REG3G: variants seen among roughly 807,000 people sequenced by gnomAD.
The protein encoded by REG3G is regenerating islet-derived protein 3-gamma.
Under a neutral mutation model 20.9 loss-of-function variants are expected in REG3G, and 19 were observed. That is an observed-to-expected ratio of 0.91 (90% CI 0.64 to 1.34). The LOEUF (loss-of-function observed/expected upper bound fraction) is 1.34, where lower values mean the gene tolerates loss of function less well. Ranked by LOEUF, REG3G falls within the 40% of genes most tolerant of loss-of-function variation. The pLI is 0.00. For synonymous variants in REG3G, 89 were observed against 77.4 expected, an observed-to-expected ratio of 1.15 and a Z score of -0.79; for missense variants, 235 against 205.0, an observed-to-expected ratio of 1.15 and a Z score of -0.89.
intron 4 of REG3G, chr2:79,027,377 G>A (rs960660944): frequency 1.1e-5 from 6 of 549,220 alleles, no homozygotes; most frequent in Admixed American, 3.4e-5. Flanking sequence ...AAAATTAGTC[G>A]GACTCTTGTA....
intron 2 of REG3G, 91 bp downstream of exon 2, chr2:79,026,260 G>T (rs1671617405): frequency 1.6e-6 from 2 of 1,287,360 alleles, no homozygotes; most frequent in Admixed American, 1.7e-5. Flanking sequence ...GTGAGGTAAT[G>T]ACGTGGTGTC....
Position 79,028,341 on chromosome 2 carries a change from A to AGTCTTC in REG3G, c.*65_*66insGTCTTC. On this transcript the variant is annotated 3_prime_UTR_variant, in exon 6 of 6. Coordinates refer to ENST00000272324, the MANE Select transcript of REG3G (RefSeq NM_001008387.3). ...TCATCATGGACATGAGACCAGTGTG[A>AGTCTTC]AGACTCACCCTGGAAGAGAATATTC... The AGTCTTC allele has an allele frequency of 1.9e-6, 2 of 1,056,576 alleles. No individual in the cohort carries two copies. Among genetic ancestry groups the AGTCTTC allele is most frequent in the Non-Finnish European group, 3.0e-6 (2 of 671,958 alleles). 65.5% of individuals were successfully genotyped at this position (1,056,576 alleles called of 1,614,324 possible).
intron 5 of REG3G, 79 bp from the exon 6 acceptor site, chr2:79,028,130 T>A: frequency 7.6e-7 from 1 of 1,311,378 alleles, no homozygotes; most frequent in African/African-American, 1.4e-5. Context: ...CTTTAAATCC[T>A]AGGCTAAAAC....
At chr2:79,028,122 TTAAATCCTAGGC>T in intron 5 of REG3G, 75 bp from the exon 6 acceptor site, 1 of 1,313,484 alleles carries the variant, frequency 7.6e-7, no homozygotes, top group Non-Finnish European at 1.1e-6. Flanking sequence ...GAGAGAAGCT[TTAAATCCTAGGC>T]TAAAACCTGG....
chr2:79,028,389 T>C lies in REG3G; in HGVS notation c.*113T>C, dbSNP rs1417760852. On this transcript the variant is annotated 3_prime_UTR_variant, in exon 6 of 6. Coordinates refer to ENST00000272324, the MANE Select transcript of REG3G (RefSeq NM_001008387.3). ...TTCTCCCCAAACTGCCCTACCTGACTACCTTGTCATGATCCTCCTTCTTTT... is the reference window on the plus strand; with the variant it reads ...TTCTCCCCAAACTGCCCTACCTGACCACCTTGTCATGATCCTCCTTCTTTT... The C allele has an allele frequency of 1.5e-6, 1 of 688,258 alleles. No individual in the cohort carries two copies. 42.6% of individuals were successfully genotyped at this position (688,258 alleles called of 1,614,324 possible).
At chr2:79,028,047 C>T (rs574887735) in intron 5 of REG3G, 114 bp downstream of exon 5, 116 of 1,376,914 alleles carry the variant, frequency 8.4e-5, no homozygotes, top group South Asian at 1.8e-4. Context: ...TGCCTTCTCC[C>T]GTCTCCTCTC....
chr2:79,026,733 C>G lies in REG3G; in HGVS notation c.97C>G (p.Leu33Val). 2 of 1,613,846 alleles carry G rather than the reference C, an allele frequency of 1.2e-6. No individual in the cohort carries two copies. Among genetic ancestry groups the G allele is most frequent in the Non-Finnish European group, 1.7e-6 (2 of 1,179,870 alleles). ...CCCAGGTGAAGAAACCCAGAAGGAACTGCCCTCTCCACGGATCAGCTGTCC... is the reference window on the plus strand; with the variant it reads ...CCCAGGTGAAGAAACCCAGAAGGAAGTGCCCTCTCCACGGATCAGCTGTCC... Reference protein sequence around the residue: ...QVQGEETQKELPSPRISCPKG... With the variant: ...QVQGEETQKEVPSPRISCPKG... Residue 33 changes from leucine to valine, a missense_variant, in exon 3 of 6, where the codon CTG (leucine) becomes GTG (valine). Leu to Val is a conservative substitution (Grantham distance 32, BLOSUM62 1). Transcript: ENST00000272324.
In REG3G at chr2:79,028,254, A is replaced by G. The variant is rs762484539; in HGVS notation, c.506A>G (p.Tyr169Cys). ...TATAACTGTGATGCAAAGTTACCCTATGTCTGCAAGTTCAAGGACTAGGGC... is the reference window on the plus strand; with the variant it reads ...TATAACTGTGATGCAAAGTTACCCTGTGTCTGCAAGTTCAAGGACTAGGGC... ...KDYNCDAKLP[Y>C]VCKFKD Residue 169 changes from tyrosine to cysteine, a missense_variant, in exon 6 of 6, where the codon TAT (tyrosine) becomes TGT (cysteine). By Grantham distance (194) the Tyr-to-Cys change is radical. Transcript: ENST00000272324. The G allele has an allele frequency of 2.1e-5, 34 of 1,612,750 alleles. No homozygotes were observed. The highest frequency in any genetic ancestry group is 6.7e-5 in the African/African-American group (5 of 74,832).
intron 2 of REG3G, chr2:79,026,408 G>A (rs1671620927): frequency 3.3e-6 from 2 of 599,618 alleles, no homozygotes; most frequent in Non-Finnish European, 5.9e-6. Context: ...ACACTGGTGG[G>A]AAAGTGTGGA....
Position 79,027,808 on chromosome 2 carries a change from G to T in REG3G, c.335G>T (p.Gly112Val). 1 of 1,613,978 alleles carries T rather than the reference G, an allele frequency of 6.2e-7. No individual in the cohort carries two copies. Among genetic ancestry groups the T allele is most frequent in the South Asian group, 1.1e-5 (1 of 91,072 alleles). Residue 112 changes from glycine (G) to valine (V), a missense_variant and splice_region_variant, in exon 5 of 6, where the codon GGC becomes GTC. Coordinates refer to ENST00000272324, the MANE Select transcript of REG3G (RefSeq NM_001008387.3). ...IWIGLHDPTQ[G>V]SEPDGDGWEW... ...CTGGCTGCCTCCTCTTCTCTATAGG[G>T]CTCTGAGCCTGATGGAGATGGATGG...
Position 79,026,193 on chromosome 2 carries a change from C to T in REG3G, c.76+24C>T, listed in dbSNP as rs754981955. ...AGGTGAGATTTCTCTGCCTCTAGCA[C>T]TGGGTTCCCTATGAATCCTCAGAGC... is the stretch of plus-strand genomic sequence containing the variant. On this transcript the variant is annotated intron_variant, in intron 2 of 5. Transcript: ENST00000272324. 5.6e-6 allele frequency: 9 copies of T among 1,611,192 alleles called. No homozygotes were observed. The South Asian group carries it at 9.9e-5, about 18-fold the overall frequency.
At position 79,027,941 on chromosome 2, in the gene REG3G, A is replaced by T; in HGVS notation, c.460+8A>T. The T allele has an allele frequency of 1.2e-6, 2 of 1,613,792 alleles. No individual in the cohort carries two copies. The highest frequency in any genetic ancestry group is 1.7e-6 in the Non-Finnish European group (2 of 1,179,874). ...GCCTGTCAAGAAGCACAGGTAAGAA[A>T]CAGAAGAGCTGCCTCTTCCCAGCAC... On this transcript the variant is annotated splice_region_variant and intron_variant, in intron 5 of 5. Coordinates refer to ENST00000272324, the MANE Select transcript of REG3G (RefSeq NM_001008387.3).
At chr2:79,026,527 A>G (rs1671623426) in intron 2 of REG3G, 186 bp from the exon 3 acceptor site, 2 of 611,972 alleles carry the variant, frequency 3.3e-6, no homozygotes, top group African/African-American at 3.7e-5. Context: ...GGGTAATAAC[A>G]GACTAGATGG....
At chr2:79,027,279 G>A in intron 4 of REG3G, 108 bp downstream of exon 4, 1 of 1,213,504 alleles carries the variant, frequency 8.2e-7, no homozygotes, top group Non-Finnish European at 1.2e-6. Flanking sequence ...GAGCACTGGA[G>A]CTCAGATTCT....
chr2:79,027,992 T>C, intron 5 of REG3G, 59 bp downstream of exon 5: 1 of 1,606,590 alleles, frequency 6.2e-7, no homozygotes. Context: ...CCCAATTTCC[T>C]GACCTTCAGG....
rs1671598198 is a variant in REG3G at position 79,025,704 on chromosome 2, C to T, written c.-181C>T. ...TGCCGTTATTCACTCCAGTGACCAT[C>T]CCTGAGATCTTTTTATAAAAAACCC... On this transcript the variant is annotated 5_prime_UTR_variant, in exon 1 of 6. Coordinates refer to ENST00000272324, the MANE Select transcript of REG3G (RefSeq NM_001008387.3). 1 of 181,540 alleles carries T rather than the reference C, an allele frequency of 5.5e-6. No individual in the cohort carries two copies. Among genetic ancestry groups the T allele is most frequent in the Non-Finnish European group, 1.2e-5 (1 of 85,414 alleles). The allele number at this position is 181,540 out of a possible 1,614,324, so 11.2% of individuals were successfully genotyped here.
rs117201430 is a variant in REG3G at position 79,026,817 on chromosome 2, T to A, written c.181T>A (p.Trp61Arg). Reference sequence around the variant, plus strand: ...TGCCTTGTTTTTGTCACCAAAATCCTGGATGGATGCAGATGTGAGTGGTTA... The same window carrying A: ...TGCCTTGTTTTTGTCACCAAAATCCAGGATGGATGCAGATGTGAGTGGTTA... ...CYALFLSPKSWMDADLACQKR... is the reference protein window; with the variant it reads ...CYALFLSPKSRMDADLACQKR... Residue 61 changes from tryptophan (W) to arginine (R), a missense_variant, in exon 3 of 6, where the codon TGG (tryptophan) becomes AGG (arginine). Trp to Arg is a moderately radical substitution (Grantham distance 101). Coordinates refer to ENST00000272324, the MANE Select transcript of REG3G (RefSeq NM_001008387.3). The A allele has an allele frequency of 3.1e-4, 507 of 1,612,234 alleles. 5 individuals are homozygous for A. In the East Asian group the frequency reaches 9.6e-3, roughly 31 times the overall value.
chr2:79,026,194 TG>T, intron 2 of REG3G, 25 bp downstream of exon 2: 1 of 1,611,172 alleles, frequency 6.2e-7, no homozygotes, highest in Non-Finnish European at 8.5e-7. Context: ...CCTCTAGCAC[TG>T]GGTTCCCTAT....
In REG3G at chr2:79,027,709, CT is replaced by C. The variant is rs1179673627; in HGVS notation, c.334-97del. ...CATCTGGAAGATCAGACCAAAATCCCTGATGCTGGGGAGGAATCAGGTGTTA... is the reference window on the plus strand; with the variant it reads ...CATCTGGAAGATCAGACCAAAATCCCGATGCTGGGGAGGAATCAGGTGTTA... On this transcript the variant is annotated intron_variant, in intron 4 of 5. Transcript: ENST00000272324. 10 of 1,449,206 alleles carry C rather than the reference CT, an allele frequency of 6.9e-6. No individual in the cohort carries two copies. The Admixed American group carries it at 9.3e-5, about 13-fold the overall frequency. The allele number at this position is 1,449,206 out of a possible 1,614,324, so 89.8% of individuals were successfully genotyped here. A position where few individuals can be genotyped will look rare whatever the true frequency, so the allele number is the denominator to read the frequency against.
Sources: gnomAD v4.1 joint callset for allele counts on GRCh38, gnomAD v4.1.1 for gene constraint, MANE v1.5 for transcripts, NCBI Gene and HGNC (gene_info 2026-07-23, HGNC 2026-07-21) for gene names.